The following RANBP17 variants were observed in gnomAD, a reference collection of about 807,000 sequenced individuals.
RANBP17 encodes ran-binding protein 17.
RANBP17 carries 158 observed loss-of-function variants against 141.2 expected under a neutral mutation model. The observed-to-expected ratio is 1.12, with a 90% CI of 0.98 to 1.28. RANBP17 has a LOEUF of 1.28. Among genes scored for constraint, RANBP17 ranks in the 50% most tolerant of loss-of-function variants. RANBP17 has a pLI of 0.00. For synonymous variants in RANBP17, 430 were observed against 450.0 expected, an observed-to-expected ratio of 0.96 and a Z score of 0.56; for missense variants, 1,438 against 1,290.7, an observed-to-expected ratio of 1.11 and a Z score of -1.75.
intron 14 of RANBP17, among the ~76,000 whole-genome samples, chr5:171,006,094 C>A (rs1048945901): frequency 1.3e-5 from 2 of 151,954 alleles, no homozygotes; most frequent in African/African-American, 4.8e-5. Flanking sequence ...AGTCAGGAAA[C>A]AACAGGTGCT....
At chr5:171,013,917 T>C (rs1403994372) in intron 14 of RANBP17, among the ~76,000 whole-genome samples, 1 of 152,112 alleles carries the variant, frequency 6.6e-6, no homozygotes, top group Admixed American at 6.6e-5. Flanking sequence ...TGTACTTGGT[T>C]CTCTCAGTTG....
intron 22 of RANBP17, 59 bp from the exon 23 acceptor site, chr5:171,240,869 C>A: frequency 9.0e-7 from 1 of 1,110,756 alleles, no homozygotes; most frequent in Non-Finnish European, 1.4e-6. Context: ...AATAGTGTGT[C>A]CCATAACTAC....
intron 14 of RANBP17, among the ~76,000 whole-genome samples, chr5:170,995,065 C>G (rs1778725743): frequency 6.6e-6 from 1 of 152,046 alleles, no homozygotes; most frequent in Non-Finnish European, 1.5e-5. Context: ...ATTCAGATGT[C>G]TGCTTTCAAA....
intron 2 of RANBP17, among the ~76,000 whole-genome samples, chr5:170,879,532 A>G (rs1768486466): frequency 6.6e-6 from 1 of 152,174 alleles, no homozygotes; most frequent in Non-Finnish European, 1.5e-5. Context: ...TGCATTTCAA[A>G]TGATGTTATC....
intron 14 of RANBP17, among the ~76,000 whole-genome samples, chr5:171,086,013 G>A (rs1186491781): frequency 1.9e-5 from 1 of 52,220 alleles, no homozygotes; most frequent in African/African-American, 7.9e-5. Context: ...GAATAGGAGT[G>A]GTGAGAGAGG....
Position 171,183,391 on chromosome 5 carries a change from T to C in RANBP17, c.1999T>C (p.Phe667Leu), listed in dbSNP as rs1488867811. The C allele has an allele frequency of 6.2e-7, 1 of 1,613,834 alleles. No homozygotes were observed. ...SLSDFRCRTTFYTALTRLLMV... is the reference protein window; with the variant it reads ...SLSDFRCRTTLYTALTRLLMV... The stretch of plus-strand genomic sequence containing the variant: ...CAGCGACTTCAGGTGTCGAACAACC[T>C]TCTACACAGCGCTCACTCGCCTTCT... Residue 667 changes from phenylalanine to leucine, a missense_variant, in exon 18 of 28, where the codon TTC (phenylalanine) becomes CTC (leucine). Phe to Leu is a conservative substitution (Grantham distance 22). Coordinates refer to ENST00000523189, the MANE Select transcript of RANBP17 (RefSeq NM_022897.5).
At chr5:171,216,012 T>C (rs1252702991) in intron 21 of RANBP17, among the ~76,000 whole-genome samples, 3 of 152,180 alleles carry the variant, frequency 2.0e-5, no homozygotes, top group African/African-American at 7.2e-5. Flanking sequence ...TTGCCTAGGT[T>C]TTCTTCTAGG....
At chr5:171,132,829 C>T (rs1227645958) in intron 14 of RANBP17, among the ~76,000 whole-genome samples, 1 of 152,026 alleles carries the variant, frequency 6.6e-6, no homozygotes, top group African/African-American at 2.4e-5. Flanking sequence ...ATTTATTATT[C>T]CAGAAGAAAA....
chr5:170,878,203 A>C lies in RANBP17; in HGVS notation c.125A>C (p.Glu42Ala), dbSNP rs1415728614. The C allele has an allele frequency of 6.2e-7, 1 of 1,612,184 alleles. No homozygotes were observed. The highest frequency in any genetic ancestry group is 1.7e-5 in the Admixed American group (1 of 59,796). The change falls in exon 2 of 28, where the codon GAA becomes GCA. Residue 42 changes from glutamate (E) to alanine (A), a missense_variant. Physicochemically the swap from Glu to Ala is moderately radical, Grantham distance 107. Transcript: ENST00000523189. ...KALLELIDSP[E>A]CLSKCQLLLE... ...CTCTTGGAACTTATTGACAGTCCAG[A>C]ATGTCTCAGCAAGTGTCAACTTTTA... is the stretch of plus-strand genomic sequence containing the variant.
chr5:171,149,187 A>G (rs1758297917), intron 14 of RANBP17, among the ~76,000 whole-genome samples: 1 of 152,218 alleles, frequency 6.6e-6, no homozygotes, highest in African/African-American at 2.4e-5. Flanking sequence ...ATCTACCAAC[A>G]TCCACTGTTA....
At chr5:171,183,987 G>T (rs1161901361) in intron 18 of RANBP17, among the ~76,000 whole-genome samples, 4 of 152,166 alleles carry the variant, frequency 2.6e-5, no homozygotes, top group African/African-American at 4.8e-5. Context: ...GTATGTTGGG[G>T]ATGGGGGGAC....
At chr5:170,935,131 C>T (rs903830236) in intron 12 of RANBP17, among the ~76,000 whole-genome samples, 1 of 152,152 alleles carries the variant, frequency 6.6e-6, no homozygotes, top group African/African-American at 2.4e-5. Context: ...ACGTAGTTCT[C>T]GTGCCATGGT....
chr5:171,201,970 C>G (rs1762322770), intron 19 of RANBP17, among the ~76,000 whole-genome samples: 1 of 152,168 alleles, frequency 6.6e-6, no homozygotes, highest in South Asian at 2.1e-4. Context: ...TAAAATATCT[C>G]TATGAAAATG....
chr5:170,957,792 T>C (rs142566474), intron 13 of RANBP17, among the ~76,000 whole-genome samples: 30 of 152,304 alleles, frequency 2.0e-4, no homozygotes, highest in African/African-American at 7.0e-4. Flanking sequence ...GGGAGTACTG[T>C]GAATACTGCA....
chr5:171,236,046 C>T (rs1269045568), intron 22 of RANBP17, among the ~76,000 whole-genome samples: 2 of 152,154 alleles, frequency 1.3e-5, no homozygotes, highest in Non-Finnish European at 2.9e-5. Flanking sequence ...TATATTCCCT[C>T]CAGTCTTTGC....
At chr5:171,214,169 T>C (rs1763077318) in intron 21 of RANBP17, among the ~76,000 whole-genome samples, 1 of 152,156 alleles carries the variant, frequency 6.6e-6, no homozygotes, top group African/African-American at 2.4e-5. Context: ...CATGGGAACA[T>C]AGTTTGCCTC....
rs367552591 is a variant in RANBP17 at position 171,299,235 on chromosome 5, C to G, written c.*377C>G. ...GGTTGTCAATTTGTTGGAGATGCAG[C>G]CTTCACCATGGATCCTGGATTGAGA... is the stretch of plus-strand genomic sequence containing the variant. On this transcript the variant is annotated 3_prime_UTR_variant, in exon 28 of 28. Transcript: ENST00000523189. 20 of 251,742 alleles carry G rather than the reference C, an allele frequency of 7.9e-5. No individual in the cohort carries two copies. In the East Asian group the frequency reaches 9.9e-4, roughly 12 times the overall value. 15.6% of individuals were successfully genotyped at this position (251,742 alleles called of 1,614,324 possible).
At chr5:171,162,895 T>G (rs1270769000) in intron 14 of RANBP17, among the ~76,000 whole-genome samples, 3 of 152,132 alleles carry the variant, frequency 2.0e-5, no homozygotes, top group African/African-American at 4.8e-5. Flanking sequence ...CCAAGTTTTC[T>G]TATACAATAG....
intron 14 of RANBP17, among the ~76,000 whole-genome samples, chr5:170,969,287 ATAT>A (rs1315624005): frequency 1.4e-4 from 22 of 151,940 alleles, no homozygotes; most frequent in Middle Eastern, 6.8e-3. Flanking sequence ...ATATATTATG[ATAT>A]TATCATTTAG....
Sources: gnomAD v4.1 joint callset for allele counts (sites outside exome capture counted in the v4.1 genomes callset) on GRCh38, gnomAD v4.1.1 for gene constraint, MANE v1.5 for transcripts, NCBI Gene and HGNC (gene_info 2026-07-23, HGNC 2026-07-21) for gene names.